Variants in RABGAP1 observed in about 807,000 individuals in gnomAD.
The protein encoded by RABGAP1 is rab GTPase-activating protein 1.
RABGAP1 carries 23 observed loss-of-function variants against 137.6 expected under a neutral mutation model. The ratio of observed to expected loss-of-function variants is 0.17; its 90% confidence interval spans 0.12 to 0.24. The LOEUF (loss-of-function observed/expected upper bound fraction) is 0.24. Among genes scored for constraint, RABGAP1 ranks in the 10% least tolerant of loss-of-function variants. The pLI is 1.00. For missense variants in RABGAP1, 906 were observed against 1,275.8 expected (o/e 0.71, Z 4.42); for synonymous variants, 451 against 450.7 (o/e 1.00, Z -0.01).
intron 13 of RABGAP1, among the ~76,000 whole-genome samples, chr9:123,047,742 A>G (rs911682566): frequency 2.0e-5 from 3 of 152,070 alleles, no homozygotes; most frequent in African/African-American, 7.2e-5. Context: ...CTCAGAATAT[A>G]TACCTGTAGC....
Position 123,020,420 on chromosome 9 carries a change from T to C in RABGAP1, c.1755T>C (p.Asn585=), listed in dbSNP as rs1178144245. 6.2e-7 allele frequency: 1 copy of C among 1,606,266 alleles called. No individual in the cohort carries two copies. The highest frequency in any genetic ancestry group is 1.7e-5 in the Admixed American group (1 of 59,136). The change falls in exon 13 of 26, where the codon AAT becomes AAC. Residue 585 remains asparagine (N), a synonymous_variant. Coordinates refer to ENST00000373647, the MANE Select transcript of RABGAP1 (RefSeq NM_012197.4). ...AGCTGCTAGCAGGCTGTCATAACAA[T>C]GACCACCTGGTAGAGAAATACCGCA... ...VWQLLAGCHN[N]DHLVEKYRIL... is the part of the protein sequence containing the mutation.
chr9:122,975,383 T>C (rs1037299041), intron 2 of RABGAP1, among the ~76,000 whole-genome samples: 1 of 152,220 alleles, frequency 6.6e-6, no homozygotes, highest in South Asian at 2.1e-4. Context: ...AGGAAATGAC[T>C]CTGGATTTTG....
At chr9:122,933,215 T>C in the RABGAP1 span, among the ~76,000 whole-genome samples, 445 of 152,134 alleles carry the variant, frequency 2.9e-3, 2 homozygotes, top group African/African-American at 0.01. Flanking sequence ...TTATTTCTCC[T>C]TTTAATTCTG....
chr9:123,087,139 T>C (rs1327897981), intron 19 of RABGAP1, among the ~76,000 whole-genome samples: 2 of 152,204 alleles, frequency 1.3e-5, no homozygotes, highest in Admixed American at 6.5e-5. Flanking sequence ...TATATGATAC[T>C]GAGGGAGAAT....
chr9:122,935,495 G>A, the RABGAP1 span, among the ~76,000 whole-genome samples: 1 of 151,932 alleles, frequency 6.6e-6, no homozygotes, highest in South Asian at 2.1e-4. Flanking sequence ...CCACCACCAC[G>A]CCCAGCTAAT....
intron 11 of RABGAP1, among the ~76,000 whole-genome samples, chr9:123,014,207 G>T (rs2031042486): frequency 6.6e-6 from 1 of 152,110 alleles, no homozygotes; most frequent in Admixed American, 6.5e-5. Context: ...CTTTTATTAT[G>T]CTTTTTAGTT....
chr9:123,005,782 G>C (rs977159541), intron 10 of RABGAP1, among the ~76,000 whole-genome samples: 1 of 152,090 alleles, frequency 6.6e-6, no homozygotes, highest in Non-Finnish European at 1.5e-5. Flanking sequence ...ACTCCTATTA[G>C]TATAATCACT....
intron 6 of RABGAP1, among the ~76,000 whole-genome samples, chr9:122,994,676 C>G (rs949111866): frequency 6.6e-6 from 1 of 152,112 alleles, no homozygotes; most frequent in South Asian, 2.1e-4. Context: ...ACTAATGGTT[C>G]TATTGCCATT....
intron 13 of RABGAP1, among the ~76,000 whole-genome samples, chr9:123,060,411 G>A (rs1388719197): frequency 6.6e-6 from 1 of 152,030 alleles, no homozygotes; most frequent in Admixed American, 6.5e-5. Context: ...TTGTATTGCT[G>A]GGTAGTATTC....
chr9:123,049,275 C>T (rs2033353995), intron 13 of RABGAP1, among the ~76,000 whole-genome samples: 1 of 152,062 alleles, frequency 6.6e-6, no homozygotes, highest in African/African-American at 2.4e-5. Context: ...TCAATGATTA[C>T]AGCATATGGT....
chr9:122,966,097 A>G (rs1483228033), intron 2 of RABGAP1, among the ~76,000 whole-genome samples: 1 of 152,164 alleles, frequency 6.6e-6, no homozygotes, highest in East Asian at 1.9e-4. Context: ...AGGAGAACAT[A>G]TTACATTTGA....
chr9:123,005,951 A>T (rs746871520), intron 10 of RABGAP1, among the ~76,000 whole-genome samples: 3 of 152,188 alleles, frequency 2.0e-5, no homozygotes, highest in Non-Finnish European at 4.4e-5. Flanking sequence ...GTGTCTAAGA[A>T]TAGTTTTAGT....
chr9:123,034,601 A>G, intron 13 of RABGAP1: 1 of 1,612,184 alleles, frequency 6.2e-7, no homozygotes, highest in South Asian at 1.1e-5. Context: ...CAGAGCAGCC[A>G]CCCTTTTTGC....
chr9:122,948,923 A>G (rs1564351061), intron 1 of RABGAP1, among the ~76,000 whole-genome samples: 1 of 152,218 alleles, frequency 6.6e-6, no homozygotes, highest in Admixed American at 6.5e-5. Context: ...ACTGCCCGTA[A>G]GTAAGGAAAT....
At chr9:123,074,943 C>T (rs904429978) in intron 17 of RABGAP1, among the ~76,000 whole-genome samples, 7 of 152,058 alleles carry the variant, frequency 4.6e-5, no homozygotes, top group Admixed American at 4.6e-4. Context: ...ATGACCACAC[C>T]TAGCTGCAAG....
chr9:122,934,655 A>G, the RABGAP1 span, among the ~76,000 whole-genome samples: 1 of 139,092 alleles, frequency 7.2e-6, no homozygotes, highest in South Asian at 2.5e-4. Context: ...GGTGTGCAAC[A>G]CCACACTTGA....
chr9:123,028,923 CATA>C (rs1270558233), intron 13 of RABGAP1, among the ~76,000 whole-genome samples: 2 of 152,024 alleles, frequency 1.3e-5, no homozygotes, highest in African/African-American at 4.8e-5. Flanking sequence ...TAGTATAATC[CATA>C]GTCCATACTA....
Position 123,028,376 on chromosome 9 carries a change from G to C in RABGAP1, c.1794+7917G>C, listed in dbSNP as rs375015735. On this transcript the variant is annotated intron_variant, in intron 13 of 25. Coordinates refer to ENST00000373647, the MANE Select transcript of RABGAP1 (RefSeq NM_012197.4). The stretch of plus-strand genomic sequence containing the variant: ...TGCAGTCTAATGAAGGAAATAGACA[G>C]TTAACTATAAACAATCATAAAGTTG... Among the ~76,000 whole-genome samples, 12 of 152,324 alleles carry C rather than the reference G, an allele frequency of 7.9e-5. No individual in the cohort carries two copies. In the East Asian group the frequency reaches 2.1e-3, roughly 27 times the overall value.
chr9:123,034,008 ATACAG>A (rs1564148048), intron 13 of RABGAP1, among the ~76,000 whole-genome samples: 1 of 152,106 alleles, frequency 6.6e-6, no homozygotes. Flanking sequence ...CTGCTCCTCT[ATACAG>A]TACAGATCAG....
Sources: allele counts gnomAD v4.1 joint callset (sites outside exome capture counted in the v4.1 genomes callset), GRCh38; gene constraint gnomAD v4.1.1; transcripts MANE v1.5; gene names NCBI Gene and HGNC (gene_info 2026-07-23, HGNC 2026-07-21).